Variants in ACSBG2 observed in about 807,000 individuals in gnomAD.
ACSBG2 encodes the protein acyl-CoA synthetase bubblegum family member 2.
ACSBG2 carries 62 observed loss-of-function variants against 74.7 expected under a neutral mutation model. The ratio of observed to expected loss-of-function variants is 0.83; its 90% CI spans 0.68 to 1.03. The LOEUF is 1.03. ACSBG2 is among the 50% of genes least tolerant of loss of function. The pLI, the probability that ACSBG2 is intolerant of heterozygous loss-of-function variation, is 0.00. For missense variants in ACSBG2, 730 were observed against 817.6 expected (o/e 0.89, Z 1.31); for synonymous variants, 309 against 294.1 (o/e 1.05, Z -0.52).
At chr19:6,141,391 G>A in intron 1 of ACSBG2, 122 bp from the exon 2 acceptor site, 1 of 623,010 alleles carries the variant, frequency 1.6e-6, no homozygotes. Context: ...CCAGGCCCAG[G>A]ACAGGCATGA....
intron 10 of ACSBG2, 108 bp from the exon 11 acceptor site, chr19:6,185,328 C>T: frequency 9.2e-7 from 1 of 1,082,516 alleles, no homozygotes; most frequent in South Asian, 1.4e-5. Flanking sequence ...CATATCCAGC[C>T]TGCTCTAGCT....
chr19:6,152,279 ATTTTTTT>A (rs71172791), intron 4 of ACSBG2, among the ~76,000 whole-genome samples: 8 of 68,518 alleles, frequency 1.2e-4, no homozygotes, highest in African/African-American at 3.9e-4. Flanking sequence ...CACCCAGCTA[ATTTTTTT>A]TTTTTTTTTT....
At chr19:6,160,429 C>CCCG (rs1386298549) in intron 5 of ACSBG2, 1 of 151,768 alleles carries the variant, frequency 6.6e-6, no homozygotes, top group Non-Finnish European at 1.5e-5. Flanking sequence ...AAAAAAGAAT[C>CCCG]CCGCAGGTCA....
intron 7 of ACSBG2, among the ~76,000 whole-genome samples, chr19:6,167,079 G>A (rs1193278201): frequency 6.6e-6 from 1 of 152,188 alleles, no homozygotes; most frequent in East Asian, 1.9e-4. Flanking sequence ...AGCCTCCCAA[G>A]TAGCTGGGTC....
chr19:6,159,155 G>A (rs1600065182), intron 5 of ACSBG2, among the ~76,000 whole-genome samples: 3 of 152,032 alleles, frequency 2.0e-5, no homozygotes, highest in African/African-American at 7.2e-5. Context: ...ACTGGATTTC[G>A]CCATGTTAGC....
intron 3 of ACSBG2, among the ~76,000 whole-genome samples, chr19:6,150,887 G>A (rs2089213618): frequency 6.6e-6 from 1 of 152,106 alleles, no homozygotes; most frequent in Admixed American, 6.6e-5. Context: ...GCTGAGGCGG[G>A]AGGATTGCTT....
intron 2 of ACSBG2, among the ~76,000 whole-genome samples, chr19:6,145,442 A>AG: frequency 6.6e-6 from 1 of 152,122 alleles, no homozygotes; most frequent in East Asian, 1.9e-4. Context: ...AAAAAAAAAA[A>AG]AAAAGTAGCA....
rs576284146 is a variant in ACSBG2 at position 6,165,928 on chromosome 19, G to A, written c.651G>A (p.Glu217=). The change falls in exon 7 of 15, where the codon GAG becomes GAA. Residue 217 remains glutamate, a synonymous_variant. Coordinates refer to ENST00000588485, the MANE Select transcript of ACSBG2 (RefSeq NM_030924.5). ...IPDTQLEQVI[E]SQKANQCAVL... is the part of the protein sequence containing the mutation. Reference sequence around the variant, plus strand: ...ACACCCAACTGGAGCAGGTCATCGAGAGCCAGAAGGCGAATCAATGCGCAG... The same window carrying A: ...ACACCCAACTGGAGCAGGTCATCGAAAGCCAGAAGGCGAATCAATGCGCAG... The A allele has an allele frequency of 1.2e-6, 2 of 1,614,176 alleles. No individual in the cohort carries two copies. Among genetic ancestry groups the A allele is most frequent in the Admixed American group, 1.7e-5 (1 of 60,026 alleles).
At chr19:6,189,413 G>A (rs993839476) in intron 13 of ACSBG2, among the ~76,000 whole-genome samples, 1 of 152,172 alleles carries the variant, frequency 6.6e-6, no homozygotes, top group African/African-American at 2.4e-5. Flanking sequence ...GTCAGCGCTC[G>A]GCTGTAATCT....
chr19:6,188,785 C>A (rs1454962069), intron 13 of ACSBG2, among the ~76,000 whole-genome samples: 1 of 151,930 alleles, frequency 6.6e-6, no homozygotes, highest in Non-Finnish European at 1.5e-5. Flanking sequence ...AAATTAGAGT[C>A]ATTGATTGGT....
rs534674712 is a variant in ACSBG2, at chr19:6,155,652, T to A, written c.387-779T>A. Among the ~76,000 whole-genome samples the A allele has an allele frequency of 9.2e-5, 14 of 152,028 alleles. No homozygotes were observed. In the East Asian group the frequency reaches 2.7e-3, roughly 29 times the overall value. On this transcript the variant is annotated intron_variant, in intron 4 of 14. Coordinates refer to ENST00000588485, the MANE Select transcript of ACSBG2 (RefSeq NM_030924.5). Reference sequence around the variant, plus strand: ...AAAAAATACAAAAATTAGCCAGGTGTGGTGGTGCATACCTGTAATCCCAGC... The same window carrying A: ...AAAAAATACAAAAATTAGCCAGGTGAGGTGGTGCATACCTGTAATCCCAGC...
chr19:6,169,719 A>G (rs939895371), intron 7 of ACSBG2, among the ~76,000 whole-genome samples: 2 of 152,180 alleles, frequency 1.3e-5, no homozygotes, highest in Non-Finnish European at 2.9e-5. Flanking sequence ...ATGAGCATGG[A>G]ATGCTTTTCC....
chr19:6,182,936 G>C lies in ACSBG2; in HGVS notation c.1088+4G>C. The C allele has an allele frequency of 6.2e-7, 1 of 1,614,026 alleles. No individual in the cohort carries two copies. Among genetic ancestry groups the C allele is most frequent in the Non-Finnish European group, 8.5e-7 (1 of 1,179,930 alleles). ...TCAACTCAAAAAAGATGTTGGGGTA[G>C]GTGGAGCATCCAGAGGGCTGGGAGG... On this transcript the variant is annotated splice_donor_region_variant and intron_variant, in intron 9 of 14. Coordinates refer to ENST00000588485, the MANE Select transcript of ACSBG2 (RefSeq NM_030924.5).
intron 10 of ACSBG2, 127 bp from the exon 11 acceptor site, chr19:6,185,309 G>T (rs372959576): frequency 8.2e-6 from 7 of 855,668 alleles, no homozygotes; most frequent in Admixed American, 5.8e-5. Context: ...CCTTCTGTGC[G>T]CTGGGGTGCA....
At chr19:6,177,511 T>C in intron 8 of ACSBG2, 115 bp downstream of exon 8, 1 of 1,086,238 alleles carries the variant, frequency 9.2e-7, no homozygotes, top group South Asian at 1.7e-5. Flanking sequence ...GTCTAACGGT[T>C]TTATCTCTGC....
At chr19:6,145,446 A>G (rs2088995960) in intron 2 of ACSBG2, among the ~76,000 whole-genome samples, 1 of 141,610 alleles carries the variant, frequency 7.1e-6, no homozygotes, top group South Asian at 2.2e-4. Context: ...AAAAAAAAAA[A>G]GTAGCATCCC....
At chr19:6,178,617 G>A (rs1190735742) in intron 8 of ACSBG2, among the ~76,000 whole-genome samples, 1 of 152,096 alleles carries the variant, frequency 6.6e-6, no homozygotes, top group African/African-American at 2.4e-5. Context: ...CCTGACCTCA[G>A]GTGAGCCTTG....
At chr19:6,151,855 C>T (rs1258845350) in intron 4 of ACSBG2, 60 bp downstream of exon 4, 11 of 1,493,084 alleles carry the variant, frequency 7.4e-6, no homozygotes, top group African/African-American at 1.4e-5. Flanking sequence ...GGGCCTGGGA[C>T]CCCTGGGCTT....
chr19:6,178,404 A>G (rs57447338), intron 8 of ACSBG2, among the ~76,000 whole-genome samples: 12,770 of 151,928 alleles, frequency 0.084, 955 homozygotes, highest in African/African-American at 0.2. Context: ...TATTTGAGAT[A>G]GAGTCTTGCT....
Sources: gnomAD v4.1 joint callset for allele counts (sites outside exome capture counted in the v4.1 genomes callset) on GRCh38, gnomAD v4.1.1 for gene constraint, MANE v1.5 for transcripts, NCBI Gene and HGNC (gene_info 2026-07-23, HGNC 2026-07-21) for gene names.